SORBS2: variants seen among roughly 807,000 people sequenced by gnomAD.
SORBS2 encodes the protein sorbin and SH3 domain-containing protein 2.
Under a neutral mutation model 97.7 loss-of-function variants are expected in SORBS2, and 46 were observed. That is an observed-to-expected ratio of 0.47 (90% CI 0.37 to 0.60). The LOEUF (loss-of-function observed/expected upper bound fraction) is 0.60, where lower values mean the gene tolerates loss of function less well. Ranked by LOEUF, SORBS2 falls within the 20% of genes least tolerant of loss-of-function variation. The pLI, the probability that SORBS2 is intolerant of heterozygous loss-of-function variation, is 0.00. For missense variants in SORBS2, 1,316 were observed against 1,282.3 expected, an observed-to-expected ratio of 1.03 and a Z score of -0.40; for synonymous variants, 476 against 473.4, an observed-to-expected ratio of 1.01 and a Z score of -0.07.
At chr4:185,899,781 T>C (rs749659530) in intron 1 of SORBS2, among the ~76,000 whole-genome samples, 2 of 152,214 alleles carry the variant, frequency 1.3e-5, no homozygotes, top group Non-Finnish European at 1.5e-5. Flanking sequence ...GTATTATACC[T>C]TCAGGCTTCG....
chr4:185,885,463 C>G (rs1045772238), intron 1 of SORBS2, among the ~76,000 whole-genome samples: 5 of 152,206 alleles, frequency 3.3e-5, no homozygotes, highest in African/African-American at 1.2e-4. Context: ...GGCCAAATGT[C>G]ACCAAGATCA....
rs2096428351 is a variant in SORBS2 at position 185,606,664 on chromosome 4, C to T, written c.2796+5116G>A. On this transcript the variant is annotated intron_variant, in intron 12 of 14. Coordinates refer to ENST00000418609, the Ensembl canonical transcript of SORBS2. This position sits in a 1 kb window ranked among gnomAD's most constrained non-coding sequence, Gnocchi z 4.3. ...GGGGGTGGCTATGGGGTGTTTTAGG[C>T]AGTTGGGTTTCTCCTCCTCCTCCTC... 6 of 985,198 alleles carry T rather than the reference C, an allele frequency of 6.1e-6. No individual in the cohort carries two copies. The highest frequency in any genetic ancestry group is 7.2e-6 in the Non-Finnish European group (6 of 829,884). The allele number at this position is 985,198 out of a possible 1,614,324, so 61.0% of individuals were successfully genotyped here.
rs1463667291 is a variant in SORBS2 at position 185,790,508 on chromosome 4, AG to A, written c.-337-15143del. Among the ~76,000 whole-genome samples, 6 of 152,338 alleles carry A rather than the reference AG, an allele frequency of 3.9e-5. No homozygotes were observed. The East Asian group carries it at 1.2e-3, about 29-fold the overall frequency. On this transcript the variant is annotated intron_variant, in intron 1 of 20. Transcript: ENST00000284776. The stretch of plus-strand genomic sequence containing the variant: ...CCAATGAATAAGGACTCTAAACTTC[AG>A]GGATCATTACAAGGTACCTGAGGAG...
At chr4:185,656,504 C>G in intron 1 of SORBS2, 3 of 611,438 alleles carry the variant, frequency 4.9e-6, no homozygotes, top group Non-Finnish European at 5.5e-6. Flanking sequence ...GTCTTGGCTG[C>G]CCAGGTCTGC....
intron 1 of SORBS2, among the ~76,000 whole-genome samples, chr4:185,916,080 A>C (rs1003815843): frequency 6.6e-6 from 1 of 152,158 alleles, no homozygotes; most frequent in Non-Finnish European, 1.5e-5. Context: ...AATAGGGTCA[A>C]GTGGGTCAGG....
intron 1 of SORBS2, among the ~76,000 whole-genome samples, chr4:185,857,751 G>C (rs2099221373): frequency 6.6e-6 from 1 of 152,188 alleles, no homozygotes; most frequent in Non-Finnish European, 1.5e-5. Flanking sequence ...ATACGGTTGA[G>C]ATAAGGGATG....
At chr4:185,613,655 A>G (rs2096580595) in intron 11 of SORBS2, among the ~76,000 whole-genome samples, 1 of 151,332 alleles carries the variant, frequency 6.6e-6, no homozygotes, top group Non-Finnish European at 1.5e-5. Context: ...TCAAAAAAAA[A>G]AAAAAAAAAA....
intron 4 of SORBS2, chr4:185,635,373 A>G: frequency 6.2e-7 from 1 of 1,613,848 alleles, no homozygotes; most frequent in East Asian, 2.2e-5. Flanking sequence ...AAACACCAGA[A>G]GAATGATCTT....
intron 1 of SORBS2, among the ~76,000 whole-genome samples, chr4:185,877,605 A>G (rs11132360): frequency 0.41 from 61,849 of 151,932 alleles, 12,936 homozygotes; most frequent in East Asian, 0.56. Context: ...GGTGGCTCAC[A>G]CCTATAATCC....
intron 12 of SORBS2, 63 bp downstream of exon 24, chr4:185,611,717 A>C (rs2096541845): frequency 7.7e-6 from 10 of 1,293,896 alleles, no homozygotes; most frequent in Non-Finnish European, 1.0e-5. Context: ...TCCTAAAGTC[A>C]CACACCGATT....
intron 2 of SORBS2, among the ~76,000 whole-genome samples, chr4:185,694,083 A>C (rs1403698893): frequency 2.0e-5 from 3 of 152,218 alleles, no homozygotes; most frequent in Non-Finnish European, 4.4e-5. Flanking sequence ...TGAAACCGAA[A>C]GGCTTCTTGG....
intron 9 of SORBS2, among the ~76,000 whole-genome samples, chr4:185,616,254 C>A (rs966463279): frequency 4.6e-5 from 7 of 152,092 alleles, no homozygotes; most frequent in African/African-American, 1.7e-4. Flanking sequence ...TGATGGAGAA[C>A]ACTTCTCATT....
chr4:185,594,103 A>C, intron 12 of SORBS2, 168 bp from the exon 25 acceptor site: 1 of 583,090 alleles, frequency 1.7e-6, no homozygotes, highest in South Asian at 2.2e-5. Flanking sequence ...AATAATTAAA[A>C]TATTTAAAGG....
intron 1 of SORBS2, among the ~76,000 whole-genome samples, chr4:185,871,226 T>A (rs1053757755): frequency 7.3e-5 from 11 of 151,078 alleles, no homozygotes; most frequent in African/African-American, 2.7e-4. Context: ...CCAGGTGAAA[T>A]CCTTTTTCAT....
intron 4 of SORBS2, chr4:185,645,909 A>T (rs2097199924): frequency 6.6e-6 from 1 of 152,142 alleles, no homozygotes; most frequent in African/African-American, 2.4e-5. Flanking sequence ...CCAAGGGAAG[A>T]CCTATGTGTG....
At chr4:185,638,144 C>G (rs769549252) in intron 4 of SORBS2, 1 of 1,609,456 alleles carries the variant, frequency 6.2e-7, no homozygotes, top group Non-Finnish European at 8.5e-7. Flanking sequence ...TCTATGTCAT[C>G]TGGATTTATG....
chr4:185,745,325 G>A (rs553308776), intron 2 of SORBS2, among the ~76,000 whole-genome samples: 3 of 152,264 alleles, frequency 2.0e-5, no homozygotes, highest in African/African-American at 7.2e-5. Context: ...AGACCTCCCA[G>A]ATTCTCCCGC....
At chr4:185,863,335 T>C (rs566025139) in intron 1 of SORBS2, among the ~76,000 whole-genome samples, 1 of 152,324 alleles carries the variant, frequency 6.6e-6, no homozygotes, top group South Asian at 2.1e-4. Flanking sequence ...CCTATAAGGA[T>C]ATTTTAATTC....
intron 4 of SORBS2, 70 bp downstream of exon 15, chr4:185,638,009 G>A: frequency 1.0e-6 from 1 of 960,046 alleles, no homozygotes; most frequent in South Asian, 1.3e-5. Context: ...CACGTCTACT[G>A]ATAATTGTAT....
Sources: gnomAD v4.1 joint callset for allele counts (sites outside exome capture counted in the v4.1 genomes callset) on GRCh38, gnomAD v4.1.1 for gene constraint, Gnocchi (gnomAD v3.1) non-coding constraint, MANE v1.5 for transcripts, NCBI Gene and HGNC (gene_info 2026-07-23, HGNC 2026-07-21) for gene names.